GABRG2: variants seen among roughly 807,000 people sequenced by gnomAD.
GABRG2 encodes gamma-aminobutyric acid receptor subunit gamma-2.
A neutral mutation model predicts 56.4 loss-of-function variants in GABRG2; 16 were observed. The observed-to-expected ratio is 0.28, with a 90% CI of 0.19 to 0.43. The LOEUF (loss-of-function observed/expected upper bound fraction) is 0.43. Ranked by LOEUF, GABRG2 falls within the 20% of genes least tolerant of loss-of-function variation. The pLI, the probability that GABRG2 is intolerant of heterozygous loss-of-function variation, is 1.00. For missense variants in GABRG2, 327 were observed against 582.7 expected (o/e 0.56, Z 4.52); for synonymous variants, 208 against 205.5 (o/e 1.01, Z -0.10).
intron 9 of GABRG2, 103 bp downstream of exon 9, chr5:162,151,856 A>C: frequency 2.0e-6 from 2 of 996,604 alleles, no homozygotes; most frequent in Non-Finnish European, 3.2e-6. Flanking sequence ...ACATTTAAGC[A>C]TTCTACTAGA....
intron 5 of GABRG2, chr5:162,102,964 G>T: frequency 6.5e-6 from 1 of 153,980 alleles, no homozygotes; most frequent in East Asian, 1.9e-4. Context: ...ATCTTTACAT[G>T]GCATTATTAT....
chr5:162,111,588 G>A (rs1762256854), intron 6 of GABRG2, among the ~76,000 whole-genome samples: 1 of 152,122 alleles, frequency 6.6e-6, no homozygotes, highest in Non-Finnish European at 1.5e-5. Flanking sequence ...GGTTAGGAAA[G>A]GACAATGGAT....
chr5:162,153,752 C>T lies in GABRG2; in HGVS notation c.*384C>T, dbSNP rs773854777. On this transcript the variant is annotated 3_prime_UTR_variant, in exon 10 of 10. Coordinates refer to ENST00000639213, the MANE Select transcript of GABRG2 (RefSeq NM_198904.4). ...CCAAAACTGTACCCTATGTTCACTCCGGGTCAAGTTGTGATAAATTTGATC... is the reference window on the plus strand; with the variant it reads ...CCAAAACTGTACCCTATGTTCACTCTGGGTCAAGTTGTGATAAATTTGATC... 66 of 240,620 alleles carry T rather than the reference C, an allele frequency of 2.7e-4. No individual in the cohort carries two copies. The highest frequency in any genetic ancestry group is 3.7e-4 in the Non-Finnish European group (45 of 121,608). 14.9% of individuals were successfully genotyped at this position (240,620 alleles called of 1,614,324 possible).
At chr5:162,107,212 T>C (rs1374153671) in intron 6 of GABRG2, among the ~76,000 whole-genome samples, 1 of 152,118 alleles carries the variant, frequency 6.6e-6, no homozygotes, top group Non-Finnish European at 1.5e-5. Flanking sequence ...ATAGTATTCC[T>C]TGATACATGG....
intron 5 of GABRG2, 150 bp from the exon 6 acceptor site, chr5:162,103,739 T>A (rs1761605451): frequency 1.3e-6 from 1 of 791,796 alleles, no homozygotes; most frequent in South Asian, 1.6e-5. Context: ...CAATTTATGT[T>A]CTCATTGCAA....
Position 162,084,274 on chromosome 5 carries a change from A to G in GABRG2, c.108-9554A>G, listed in dbSNP as rs183462793. Among the ~76,000 whole-genome samples, 1,029 of 122,648 alleles carry G rather than the reference A, an allele frequency of 8.4e-3. 12 individuals carry two copies. The highest frequency in any genetic ancestry group is 0.027 in the African/African-American group (946 of 34,862). The allele number at this position is 122,648 out of a possible 152,430, so 80.5% of individuals were successfully genotyped here. A position where few individuals can be genotyped will look rare whatever the true frequency, so the allele number is the denominator to read the frequency against. On this transcript the variant is annotated intron_variant, in intron 1 of 9. Coordinates refer to ENST00000639213, the MANE Select transcript of GABRG2 (RefSeq NM_198904.4). ...GACACTTAATTAAAATTGTCTGTGT[A>G]CTAGAGCAGATGTCCCAAGCCTTAG...
chr5:162,095,635 G>A, intron 3 of GABRG2, 73 bp downstream of exon 3: 3 of 1,108,340 alleles, frequency 2.7e-6, no homozygotes, highest in Non-Finnish European at 4.1e-6. Context: ...CATGGAAATA[G>A]CAAAAGACAT....
chr5:162,109,407 TA>T lies in GABRG2; in HGVS notation c.769+5382del, dbSNP rs1561647222. ...AAAGTATAATATATATATATATATA[TA>T]TATATATATATATATTTATTTATAT... On this transcript the variant is annotated intron_variant, in intron 6 of 9. Coordinates refer to ENST00000639213, the MANE Select transcript of GABRG2 (RefSeq NM_198904.4). Among the ~76,000 whole-genome samples, 28 of 139,390 alleles carry T rather than the reference TA, an allele frequency of 2.0e-4. 1 individual carries two copies. The highest frequency in any genetic ancestry group is 7.4e-4 in the African/African-American group (27 of 36,554). The allele number at this position is 139,390 out of a possible 152,430, so 91.4% of individuals were successfully genotyped here. A position where few individuals can be genotyped will look rare whatever the true frequency, so the allele number is the denominator to read the frequency against.
chr5:162,109,619 A>G (rs1762117669), intron 6 of GABRG2, among the ~76,000 whole-genome samples: 1 of 151,748 alleles, frequency 6.6e-6, no homozygotes, highest in South Asian at 2.1e-4. Context: ...GTGATTATAG[A>G]TAATGGTGGT....
chr5:162,109,242 TG>T (rs1215731118), intron 6 of GABRG2, among the ~76,000 whole-genome samples: 2 of 150,898 alleles, frequency 1.3e-5, no homozygotes, highest in Non-Finnish European at 3.0e-5. Flanking sequence ...GGGCCTGTTG[TG>T]GGGTGGGGGT....
chr5:162,068,835 A>G (rs1483208540), intron 1 of GABRG2, among the ~76,000 whole-genome samples: 2 of 152,070 alleles, frequency 1.3e-5, no homozygotes, highest in Non-Finnish European at 2.9e-5. Context: ...TGATCTGTTT[A>G]CCTCTACTCC....
chr5:162,084,907 A>G (rs982865772), intron 1 of GABRG2, among the ~76,000 whole-genome samples: 1 of 151,814 alleles, frequency 6.6e-6, no homozygotes, highest in African/African-American at 2.4e-5. Context: ...CTTTGTCACC[A>G]TGTTATCATT....
At chr5:162,137,910 C>A (rs574077723) in intron 6 of GABRG2, among the ~76,000 whole-genome samples, 1 of 151,850 alleles carries the variant, frequency 6.6e-6, no homozygotes, top group East Asian at 1.9e-4. Context: ...TGCCACCACG[C>A]CTGGCTAATT....
intron 1 of GABRG2, among the ~76,000 whole-genome samples, chr5:162,091,970 C>T (rs571691318): frequency 6.0e-4 from 92 of 152,066 alleles, no homozygotes; most frequent in Non-Finnish European, 1.0e-3. Context: ...CAATTTAAAC[C>T]GTAATATATT....
chr5:162,108,991 T>G (rs1762037821), intron 6 of GABRG2, among the ~76,000 whole-genome samples: 1 of 152,176 alleles, frequency 6.6e-6, no homozygotes, highest in South Asian at 2.1e-4. Context: ...CAGCATGATT[T>G]ATATTTCTTT....
chr5:162,091,855 T>C (rs1226786539), intron 1 of GABRG2, among the ~76,000 whole-genome samples: 2 of 152,138 alleles, frequency 1.3e-5, no homozygotes, highest in Non-Finnish European at 2.9e-5. Flanking sequence ...AGCAATTTAG[T>C]ACATATTCCC....
rs898356252 is a variant in GABRG2, at chr5:162,112,352, G to A, written c.769+8326G>A. 2.6e-5 allele frequency among the ~76,000 whole-genome samples: 4 copies of A among 151,934 alleles called. No homozygotes were observed. The East Asian group carries it at 7.8e-4, about 29-fold the overall frequency. ...AAGAGACATTTACATCAGTGTGACT[G>A]ATATAACTAATAGATCTCTAATAAA... On this transcript the variant is annotated intron_variant, in intron 6 of 9. Coordinates refer to ENST00000639213, the MANE Select transcript of GABRG2 (RefSeq NM_198904.4).
chr5:162,121,854 T>G (rs1038923104), intron 6 of GABRG2, among the ~76,000 whole-genome samples: 2 of 152,014 alleles, frequency 1.3e-5, no homozygotes. Context: ...AGCATCAATG[T>G]GTCCTCTTAA....
In GABRG2 at chr5:162,097,691, A is replaced by G. The variant is rs1423588319; in HGVS notation, c.381A>G (p.Lys127=). 1 of 1,613,880 alleles carries G rather than the reference A, an allele frequency of 6.2e-7. No homozygotes were observed. The change falls in exon 4 of 10, where the codon AAA becomes AAG. Residue 127 remains lysine (K), a synonymous_variant. Transcript: ENST00000639213. The stretch of plus-strand genomic sequence containing the variant: ...AAACGTGGTATGACAGACGTTTGAA[A>G]TTTAACAGCACCATTAAAGTCCTCC... ...FAQTWYDRRL[K]FNSTIKVLRL...
Sources: gnomAD v4.1 joint callset for allele counts (sites outside exome capture counted in the v4.1 genomes callset) on GRCh38, gnomAD v4.1.1 for gene constraint, MANE v1.5 for transcripts, NCBI Gene and HGNC (gene_info 2026-07-23, HGNC 2026-07-21) for gene names.